Variants in PHACTR1 observed in about 807,000 individuals in gnomAD.
PHACTR1 encodes RPEL repeat containing 1.
PHACTR1 carries 16 observed loss-of-function variants against 69.2 expected under a neutral mutation model. That is an observed-to-expected ratio of 0.23 (90% confidence interval 0.16 to 0.35). PHACTR1 has a LOEUF of 0.35. Ranked by LOEUF, PHACTR1 falls within the 10% of genes least tolerant of loss-of-function variation. The probability of loss-of-function intolerance (pLI) is 1.00; values close to 1 mark genes in which losing one functional copy is unlikely to be tolerated. For missense variants in PHACTR1, 510 were observed against 734.7 expected, an observed-to-expected ratio of 0.69 and a Z score of 3.54; for synonymous variants, 312 against 284.5, an observed-to-expected ratio of 1.10 and a Z score of -0.97.
At chr6:13,159,650 C>A (rs564249637) in intron 5 of PHACTR1, among the ~76,000 whole-genome samples, 2 of 152,216 alleles carry the variant, frequency 1.3e-5, no homozygotes, top group Middle Eastern at 6.8e-3. Context: ...TAAATAAGAA[C>A]GCCTACCTTG....
chr6:12,728,747 T>C (rs1417185755), intron 3 of PHACTR1, among the ~76,000 whole-genome samples: 3 of 152,172 alleles, frequency 2.0e-5, no homozygotes, highest in Non-Finnish European at 2.9e-5. Context: ...TGTATTTATT[T>C]TATGGTGTTT....
intron 3 of PHACTR1, among the ~76,000 whole-genome samples, chr6:12,744,510 T>C (rs74943231): frequency 0.042 from 6,342 of 152,244 alleles, 446 homozygotes; most frequent in African/African-American, 0.14. Flanking sequence ...AGTGCTGCAA[T>C]CTATTTCCTT....
At chr6:13,239,192 T>C (rs1358060293) in intron 10 of PHACTR1, among the ~76,000 whole-genome samples, 2 of 152,210 alleles carry the variant, frequency 1.3e-5, no homozygotes, top group Non-Finnish European at 2.9e-5. Context: ...GGGAGGATTC[T>C]GAGACCTCCC....
chr6:12,777,315 G>T (rs1000131044), intron 4 of PHACTR1, among the ~76,000 whole-genome samples: 2 of 151,242 alleles, frequency 1.3e-5, no homozygotes, highest in African/African-American at 4.9e-5. Flanking sequence ...GTGTCACAGG[G>T]GTTTGGTGTA....
At chr6:12,868,198 A>T (rs1035627629) in intron 4 of PHACTR1, among the ~76,000 whole-genome samples, 2 of 150,716 alleles carry the variant, frequency 1.3e-5, no homozygotes, top group African/African-American at 4.9e-5. Context: ...CGGAGGTTGC[A>T]GTGAACCAAG....
intron 4 of PHACTR1, among the ~76,000 whole-genome samples, chr6:12,896,707 A>G (rs190693183): frequency 6.6e-6 from 1 of 152,364 alleles, no homozygotes; most frequent in East Asian, 1.9e-4. Context: ...ATACTTATTT[A>G]GGGAATAAAG....
chr6:13,103,266 G>A (rs1282697684), intron 5 of PHACTR1, among the ~76,000 whole-genome samples: 1 of 152,170 alleles, frequency 6.6e-6, no homozygotes, highest in African/African-American at 2.4e-5. Flanking sequence ...ATAAATTAGA[G>A]ATGAGATGAC....
chr6:12,895,434 C>T (rs1468520887), intron 4 of PHACTR1, among the ~76,000 whole-genome samples: 1 of 152,130 alleles, frequency 6.6e-6, no homozygotes, highest in Non-Finnish European at 1.5e-5. Flanking sequence ...CTACCTGCCT[C>T]AGCCTCCCAA....
At chr6:13,133,245 T>TCCCTCTCCCTC (rs1561876517) in intron 5 of PHACTR1, among the ~76,000 whole-genome samples, 10 of 54,982 alleles carry the variant, frequency 1.8e-4, no homozygotes, top group African/African-American at 8.2e-4. Context: ...CCCTCTCCCT[T>TCCCTCTCCCTC]TCCCTCTCCC....
chr6:12,895,063 A>C (rs1784519260), intron 4 of PHACTR1, among the ~76,000 whole-genome samples: 3 of 152,194 alleles, frequency 2.0e-5, no homozygotes, highest in Admixed American at 2.0e-4. Flanking sequence ...AATGAATGTA[A>C]ATAAACAAAC....
intron 5 of PHACTR1, among the ~76,000 whole-genome samples, chr6:13,093,451 C>T (rs1813620428): frequency 7.9e-5 from 12 of 152,172 alleles, no homozygotes; most frequent in Admixed American, 7.9e-4. Context: ...CTCCCACGGC[C>T]ATCATCATTC....
At chr6:12,980,781 T>C (rs1371101409) in intron 4 of PHACTR1, among the ~76,000 whole-genome samples, 8 of 152,352 alleles carry the variant, frequency 5.3e-5, no homozygotes, top group African/African-American at 1.9e-4. Flanking sequence ...GGAAGAGATA[T>C]ATCCTTGCTG....
At chr6:12,955,536 A>C (rs1444384566) in intron 4 of PHACTR1, among the ~76,000 whole-genome samples, 1 of 151,968 alleles carries the variant, frequency 6.6e-6, no homozygotes, top group Non-Finnish European at 1.5e-5. Flanking sequence ...GAAATTTGAG[A>C]TTTGCAGTGC....
At chr6:13,101,466 C>T (rs1334130339) in intron 5 of PHACTR1, among the ~76,000 whole-genome samples, 2 of 152,230 alleles carry the variant, frequency 1.3e-5, no homozygotes, top group East Asian at 3.8e-4. Context: ...GGTCTGACCA[C>T]ACCGAGTACA....
chr6:13,058,446 A>G (rs1408400097), intron 5 of PHACTR1, among the ~76,000 whole-genome samples: 2 of 152,308 alleles, frequency 1.3e-5, no homozygotes, highest in African/African-American at 4.8e-5. Context: ...AAAAAACATG[A>G]AAAACTTTTA....
intron 4 of PHACTR1, among the ~76,000 whole-genome samples, chr6:12,928,602 T>C (rs1219169863): frequency 1.5e-5 from 2 of 130,664 alleles, no homozygotes; most frequent in African/African-American, 3.8e-5. Context: ...CATCTGTCCA[T>C]CCACCCACCC....
intron 5 of PHACTR1, among the ~76,000 whole-genome samples, chr6:13,063,753 C>G (rs1240027085): frequency 6.6e-6 from 1 of 151,418 alleles, no homozygotes; most frequent in Non-Finnish European, 1.5e-5. Flanking sequence ...GTACTCCAGC[C>G]TGGGCAATGG....
At chr6:13,003,979 A>ATATATATATATATATAT (rs2127630373) in intron 4 of PHACTR1, among the ~76,000 whole-genome samples, 1 of 118,426 alleles carries the variant, frequency 8.4e-6, no homozygotes, top group South Asian at 2.6e-4. Flanking sequence ...ATATATATAT[A>ATATATATATATATATAT]CACATATATA....
chr6:13,204,544 G>A (rs17602291), intron 7 of PHACTR1, among the ~76,000 whole-genome samples: 2,026 of 152,278 alleles, frequency 0.013, 43 homozygotes, highest in Admixed American at 0.057. Context: ...ATGCCCTGGG[G>A]TCTAGTCTGA....
Sources: allele counts gnomAD v4.1 joint callset (sites outside exome capture counted in the v4.1 genomes callset), GRCh38; gene constraint gnomAD v4.1.1; transcripts MANE v1.5; gene names NCBI Gene and HGNC (gene_info 2026-07-23, HGNC 2026-07-21).